Variants in CCDC141 observed in about 807,000 individuals in gnomAD.
CCDC141 encodes the protein coiled-coil domain-containing protein 141.
CCDC141 carries 168 observed loss-of-function variants against 181.0 expected under a neutral mutation model. The observed-to-expected ratio is 0.93, with a 90% CI of 0.82 to 1.05. The LOEUF is 1.05. Among genes scored for constraint, CCDC141 ranks in the 50% least tolerant of loss-of-function variants. The pLI is 0.00. For missense variants in CCDC141, 1,902 were observed against 1,788.5 expected, an observed-to-expected ratio of 1.06 and a Z score of -1.14; for synonymous variants, 666 against 642.3, an observed-to-expected ratio of 1.04 and a Z score of -0.56.
At chr2:178,980,911 T>C (rs754181866) in intron 2 of CCDC141, among the ~76,000 whole-genome samples, 3 of 152,166 alleles carry the variant, frequency 2.0e-5, no homozygotes, top group Non-Finnish European at 2.9e-5. Flanking sequence ...CAGAGAAAGA[T>C]GTACCATGCT....
intron 17 of CCDC141, 134 bp from the exon 18 acceptor site, chr2:178,856,531 TCC>T: frequency 2.0e-6 from 1 of 492,566 alleles, no homozygotes; most frequent in Non-Finnish European, 3.3e-6. Flanking sequence ...TTTCCCTCCC[TCC>T]CTCCCTCTCT....
intron 11 of CCDC141, among the ~76,000 whole-genome samples, chr2:178,879,503 C>T (rs1243722249): frequency 6.6e-6 from 1 of 152,146 alleles, no homozygotes; most frequent in Admixed American, 6.5e-5. Context: ...GATCTTTCCT[C>T]AATTTTCTTC....
intron 8 of CCDC141, among the ~76,000 whole-genome samples, chr2:178,904,838 GC>G (rs1317526399): frequency 3.3e-5 from 5 of 152,082 alleles, no homozygotes; most frequent in African/African-American, 1.2e-4. Flanking sequence ...GGGGTCTGGT[GC>G]CCATGCTGTT....
chr2:178,851,613 G>T (rs1168074467), intron 20 of CCDC141, among the ~76,000 whole-genome samples: 1 of 152,134 alleles, frequency 6.6e-6, no homozygotes, highest in Non-Finnish European at 1.5e-5. Context: ...AACCCTGCTG[G>T]CATCTTCATC....
intron 3 of CCDC141, among the ~76,000 whole-genome samples, chr2:178,976,129 T>C (rs1476393881): frequency 6.6e-6 from 1 of 152,200 alleles, no homozygotes; most frequent in Non-Finnish European, 1.5e-5. Flanking sequence ...AATGGCAAAA[T>C]ATATTTGATT....
intron 6 of CCDC141, among the ~76,000 whole-genome samples, chr2:178,935,936 T>C (rs1284412088): frequency 2.0e-5 from 3 of 152,272 alleles, no homozygotes; most frequent in Non-Finnish European, 4.4e-5. Flanking sequence ...CACTTTTTAA[T>C]GGAGTTGTTT....
intron 5 of CCDC141, among the ~76,000 whole-genome samples, chr2:178,960,828 C>CT (rs1690365652): frequency 6.6e-6 from 1 of 152,192 alleles, no homozygotes; most frequent in African/African-American, 2.4e-5. Flanking sequence ...GGCTGACAGA[C>CT]TTTTTTACTG....
intron 2 of CCDC141, among the ~76,000 whole-genome samples, chr2:178,988,297 C>T (rs1253245939): frequency 7.9e-6 from 1 of 126,166 alleles, no homozygotes; most frequent in Non-Finnish European, 1.5e-5. Context: ...GGAAGGGGAA[C>T]ATCAAACTCT....
intron 5 of CCDC141, among the ~76,000 whole-genome samples, chr2:178,946,155 G>A (rs1483718543): frequency 1.3e-5 from 2 of 152,020 alleles, no homozygotes; most frequent in Non-Finnish European, 2.9e-5. Flanking sequence ...CGAATATCTG[G>A]TAATCTATGC....
chr2:178,886,657 C>T (rs923911266), intron 10 of CCDC141, 95 bp downstream of exon 10: 2 of 782,510 alleles, frequency 2.6e-6, no homozygotes, highest in Admixed American at 3.5e-5. Flanking sequence ...AATTGTAAAC[C>T]TCAAGTGAGC....
In CCDC141 at chr2:178,850,084, AT is replaced by A. The variant is rs766744078; in HGVS notation, c.3321del (p.Leu1107PhefsTer12). 243 of 1,609,118 alleles carry A rather than the reference AT, an allele frequency of 1.5e-4. No individual in the cohort carries two copies. In the South Asian group the frequency reaches 1.5e-3, roughly 10 times the overall value. ...HKEVLESVTE[L>X]CESLTELEEK... ...TCTTCGAGCTCTGTGAGGGACTCACATAATTCAGTCACAGATTCAAGAACCT... is the reference window on the plus strand; with the variant it reads ...TCTTCGAGCTCTGTGAGGGACTCACAAATTCAGTCACAGATTCAAGAACCT... On this transcript the variant is annotated frameshift_variant, in exon 21 of 24. Transcript: ENST00000443758. LOFTEE classifies it high-confidence loss of function.
At position 178,931,478 on chromosome 2, in the gene CCDC141, T is replaced by A. The variant is rs529580197; in HGVS notation, c.898-12571A>T. Among the ~76,000 whole-genome samples the A allele has an allele frequency of 2.6e-5, 4 of 152,328 alleles. No individual in the cohort carries two copies. The East Asian group carries it at 7.7e-4, about 29-fold the overall frequency. ...AAGGTGGTATATCCATACAATGGAA[T>A]ATTATTCAGCCATAAAAAGGAAGTT... On this transcript the variant is annotated intron_variant, in intron 6 of 23. Coordinates refer to ENST00000443758, the MANE Select transcript of CCDC141 (RefSeq NM_173648.4).
chr2:178,918,604 A>G (rs1020155151), intron 7 of CCDC141, 109 bp downstream of exon 7: 2 of 847,596 alleles, frequency 2.4e-6, no homozygotes, highest in Middle Eastern at 3.0e-4. Flanking sequence ...CAGTTTTGAA[A>G]TTTTACATGG....
In CCDC141 at chr2:178,886,757, C is replaced by T; in HGVS notation, c.1522G>A (p.Ala508Thr). The T allele has an allele frequency of 7.0e-7, 1 of 1,432,782 alleles. No homozygotes were observed. The highest frequency in any genetic ancestry group is 9.4e-7 in the Non-Finnish European group (1 of 1,069,076). 88.8% of individuals were successfully genotyped at this position (1,432,782 alleles called of 1,614,324 possible). Residue 508 changes from alanine to threonine, a missense_variant, in exon 10 of 24, where the codon GCT becomes ACT. Coordinates refer to ENST00000443758, the MANE Select transcript of CCDC141 (RefSeq NM_173648.4). ...ATCATTCTCATTTTATTTACCTTAG[C>T]TTGGATATCTAGTTCCAGATATTTA... ...LNKYLELDIQAKETSHELEAA... is the reference protein window; with the variant it reads ...LNKYLELDIQTKETSHELEAA...
intron 2 of CCDC141, among the ~76,000 whole-genome samples, chr2:179,022,008 CCTT>C (rs1333035020): frequency 2.2e-4 from 34 of 152,226 alleles, no homozygotes; most frequent in African/African-American, 7.2e-4. Flanking sequence ...AAATGCGTCT[CCTT>C]AATTTTTTCT....
chr2:178,978,683 C>A lies in CCDC141; in HGVS notation c.226-8G>T, dbSNP rs1171439671. 1.3e-6 allele frequency: 2 copies of A among 1,512,032 alleles called. No individual in the cohort carries two copies. The highest frequency in any genetic ancestry group is 1.4e-5 in the African/African-American group (1 of 70,612). The allele number at this position is 1,512,032 out of a possible 1,614,324, so 93.7% of individuals were successfully genotyped here. Reference sequence around the variant, plus strand: ...TACCCGATCTTCCAAAGCCTAAGTACAAAAGAAAAAGGCATAAGGCAGGGT... The same window carrying A: ...TACCCGATCTTCCAAAGCCTAAGTAAAAAAGAAAAAGGCATAAGGCAGGGT... On this transcript the variant is annotated splice_region_variant and splice_polypyrimidine_tract_variant and intron_variant, in intron 2 of 23. Transcript: ENST00000443758.
intron 5 of CCDC141, among the ~76,000 whole-genome samples, chr2:178,959,126 C>A (rs1690282467): frequency 6.7e-6 from 1 of 148,570 alleles, no homozygotes; most frequent in Non-Finnish European, 1.5e-5. Flanking sequence ...GGGAAGATCA[C>A]ACACTGGGGC....
At position 178,837,707 on chromosome 2, in the gene CCDC141, C is replaced by G. The variant is rs997964156; in HGVS notation, c.3512G>C (p.Gly1171Ala). 3 of 1,613,208 alleles carry G rather than the reference C, an allele frequency of 1.9e-6. No homozygotes were observed. Among genetic ancestry groups the G allele is most frequent in the South Asian group, 2.2e-5 (2 of 90,946 alleles). ...VQVADLLGIN[G>A]TGEERLPQDL... ...TTGTGGTAGTCGCTCTTCCCCTGTT[C>G]CATTGATGCCCAAAAGATCTGCCAC... Residue 1171 changes from glycine (G) to alanine (A), a missense_variant, in exon 23 of 24, where the codon GGA (glycine) becomes GCA (alanine). Gly to Ala is a moderately conservative substitution (Grantham distance 60). Transcript: ENST00000443758.
At chr2:178,999,262 C>T (rs1008687593) in intron 2 of CCDC141, among the ~76,000 whole-genome samples, 1 of 152,166 alleles carries the variant, frequency 6.6e-6, no homozygotes, top group Non-Finnish European at 1.5e-5. Flanking sequence ...AGGGTATCTT[C>T]ATTCTCTCCT....
Sources: gnomAD v4.1 joint callset for allele counts (sites outside exome capture counted in the v4.1 genomes callset) on GRCh38, gnomAD v4.1.1 for gene constraint, MANE v1.5 for transcripts, NCBI Gene and HGNC (gene_info 2026-07-23, HGNC 2026-07-21) for gene names.